NKAIN2: variants seen among roughly 807,000 people sequenced by gnomAD.
NKAIN2 encodes sodium/potassium transporting ATPase interacting 2.
A neutral mutation model predicts 32.6 loss-of-function variants in NKAIN2; 14 were observed. The ratio of observed to expected loss-of-function variants is 0.43; its 90% confidence interval spans 0.28 to 0.67. The LOEUF (loss-of-function observed/expected upper bound fraction) is 0.67, where lower values mean the gene tolerates loss of function less well. Ranked by LOEUF, NKAIN2 falls within the 30% of genes least tolerant of loss-of-function variation. The pLI is 0.17. For synonymous variants in NKAIN2, 80 were observed against 87.2 expected (o/e 0.92, Z 0.46); for missense variants, 198 against 258.3 (o/e 0.77, Z 1.60).
At chr6:124,150,999 A>G (rs1191957569) in intron 1 of NKAIN2, among the ~76,000 whole-genome samples, 1 of 152,070 alleles carries the variant, frequency 6.6e-6, no homozygotes, top group South Asian at 2.1e-4. Context: ...TCATATTTCT[A>G]TTTGAATAAT....
At chr6:124,625,096 C>G (rs1183388103) in intron 3 of NKAIN2, among the ~76,000 whole-genome samples, 1 of 147,024 alleles carries the variant, frequency 6.8e-6, no homozygotes, top group Non-Finnish European at 1.5e-5. Context: ...ACATCCTCCT[C>G]AATATTGATC....
intron 3 of NKAIN2, among the ~76,000 whole-genome samples, chr6:124,439,326 A>G (rs1775591600): frequency 6.6e-6 from 1 of 150,856 alleles, no homozygotes; most frequent in African/African-American, 2.4e-5. Context: ...CCTGCTAAAT[A>G]TCTCTCAAAT....
intron 2 of NKAIN2, among the ~76,000 whole-genome samples, chr6:124,332,134 A>G (rs1222896536): frequency 6.6e-6 from 1 of 152,128 alleles, no homozygotes; most frequent in African/African-American, 2.4e-5. Flanking sequence ...CAAACTTTGA[A>G]CTGCAAATAA....
At chr6:123,984,523 G>GA (rs1435349944) in intron 1 of NKAIN2, among the ~76,000 whole-genome samples, 7 of 151,860 alleles carry the variant, frequency 4.6e-5, no homozygotes, top group Non-Finnish European at 8.8e-5. Context: ...ATATCAAAAA[G>GA]AAAAAAGATA....
chr6:124,391,990 A>G (rs1161222770), intron 3 of NKAIN2, among the ~76,000 whole-genome samples: 1 of 152,162 alleles, frequency 6.6e-6, no homozygotes. Context: ...ATGCCAAACA[A>G]TGAATTCACC....
chr6:123,946,206 AG>A (rs1396579719), intron 1 of NKAIN2, among the ~76,000 whole-genome samples: 1 of 152,180 alleles, frequency 6.6e-6, no homozygotes, highest in African/African-American at 2.4e-5. Flanking sequence ...AAAATTAAAA[AG>A]AGCCTTACAT....
intron 4 of NKAIN2, among the ~76,000 whole-genome samples, chr6:124,743,552 A>G (rs990559190): frequency 6.6e-6 from 1 of 151,842 alleles, no homozygotes; most frequent in Non-Finnish European, 1.5e-5. Flanking sequence ...GCAAACTTGA[A>G]TATCTGGAAA....
At chr6:124,222,446 G>A (rs941001379) in intron 1 of NKAIN2, among the ~76,000 whole-genome samples, 3 of 152,180 alleles carry the variant, frequency 2.0e-5, no homozygotes, top group Non-Finnish European at 4.4e-5. Context: ...AGGGTTGGGA[G>A]CATTGGTAGG....
chr6:124,766,443 C>G (rs560120559), intron 4 of NKAIN2, among the ~76,000 whole-genome samples: 1 of 152,200 alleles, frequency 6.6e-6, no homozygotes, highest in Non-Finnish European at 1.5e-5. Context: ...TTCCCAGCCA[C>G]CTGTCCCTTC....
At chr6:124,463,901 T>C (rs78458885) in intron 3 of NKAIN2, among the ~76,000 whole-genome samples, 11,969 of 152,210 alleles carry the variant, frequency 0.079, 590 homozygotes, top group African/African-American at 0.12. Context: ...TAGAAATGTC[T>C]AAAACGTCTA....
intron 3 of NKAIN2, among the ~76,000 whole-genome samples, chr6:124,576,113 T>C (rs1583463922): frequency 6.6e-6 from 1 of 152,344 alleles, no homozygotes; most frequent in Non-Finnish European, 1.5e-5. Flanking sequence ...TTACTGATTT[T>C]ATTAAATTTC....
At chr6:123,847,430 T>C (rs1476593754) in intron 1 of NKAIN2, among the ~76,000 whole-genome samples, 1 of 152,148 alleles carries the variant, frequency 6.6e-6, no homozygotes, top group Non-Finnish European at 1.5e-5. Flanking sequence ...CCAAGTGGCA[T>C]GTATCCCGGC....
intron 3 of NKAIN2, among the ~76,000 whole-genome samples, chr6:124,398,277 A>T (rs1163771003): frequency 6.9e-6 from 1 of 144,104 alleles, no homozygotes; most frequent in Non-Finnish European, 1.5e-5. Context: ...AAAAAAAAAA[A>T]AAAAAGATGA....
In NKAIN2 at chr6:124,821,642, A is replaced by G. The variant is rs149218750; in HGVS notation, c.618-1578A>G. ...GCCAACTAAAAGTTATAAAAAATAT[A>G]TTGTTTTCCTCTTTACTGCATGAGA... On this transcript the variant is annotated intron_variant, in intron 6 of 6. Coordinates refer to ENST00000368417, the MANE Select transcript of NKAIN2 (RefSeq NM_001040214.3). Among the ~76,000 whole-genome samples the G allele has an allele frequency of 3.9e-3, 591 of 152,306 alleles. 9 individuals are homozygous for G. Among genetic ancestry groups the G allele is most frequent in the African/African-American group, 0.014 (571 of 41,562 alleles).
intron 3 of NKAIN2, among the ~76,000 whole-genome samples, chr6:124,443,275 G>A (rs1384820196): frequency 1.3e-5 from 2 of 152,042 alleles, no homozygotes; most frequent in African/African-American, 4.8e-5. Context: ...TTAGCGGGAT[G>A]TTATTGATAT....
intron 4 of NKAIN2, among the ~76,000 whole-genome samples, chr6:124,661,820 G>A (rs1465409213): frequency 6.6e-6 from 1 of 152,166 alleles, no homozygotes; most frequent in Non-Finnish European, 1.5e-5. Flanking sequence ...TAAAATAAAT[G>A]TATGTGGGGA....
intron 3 of NKAIN2, among the ~76,000 whole-genome samples, chr6:124,439,641 A>C (rs1775607669): frequency 6.6e-6 from 1 of 151,120 alleles, no homozygotes; most frequent in Admixed American, 6.6e-5. Context: ...TTTTTTTTTA[A>C]TCAGATCTGT....
At chr6:124,484,017 T>C (rs2114706830) in intron 3 of NKAIN2, among the ~76,000 whole-genome samples, 1 of 152,364 alleles carries the variant, frequency 6.6e-6, no homozygotes, top group South Asian at 2.1e-4. Context: ...AGCAGAACTA[T>C]GTCAGGAGCA....
intron 3 of NKAIN2, among the ~76,000 whole-genome samples, chr6:124,417,520 T>C (rs1774549235): frequency 6.6e-6 from 1 of 152,122 alleles, no homozygotes; most frequent in Non-Finnish European, 1.5e-5. Context: ...TTATTAACTT[T>C]AAAGCATTTT....
Sources: allele counts gnomAD v4.1 joint callset (sites outside exome capture counted in the v4.1 genomes callset), GRCh38; gene constraint gnomAD v4.1.1; transcripts MANE v1.5; gene names NCBI Gene and HGNC (gene_info 2026-07-23, HGNC 2026-07-21).